The following GSK3B variants were observed in gnomAD, a reference collection of about 807,000 sequenced individuals.
The protein encoded by GSK3B is glycogen synthase kinase 3 beta.
A neutral mutation model predicts 56.4 loss-of-function variants in GSK3B; 15 were observed. That is an observed-to-expected ratio of 0.27 (90% CI 0.18 to 0.41). The LOEUF (loss-of-function observed/expected upper bound fraction) is 0.41. Ranked by LOEUF, GSK3B falls within the 10% of genes least tolerant of loss-of-function variation. GSK3B has a pLI of 1.00. For synonymous variants in GSK3B, 181 were observed against 188.9 expected, an observed-to-expected ratio of 0.96 and a Z score of 0.34; for missense variants, 300 against 513.4, an observed-to-expected ratio of 0.58 and a Z score of 4.02.
intron 1 of GSK3B, among the ~76,000 whole-genome samples, chr3:120,043,689 C>T (rs1336821769): frequency 6.6e-6 from 1 of 152,110 alleles, no homozygotes; most frequent in Non-Finnish European, 1.5e-5. Context: ...AGGAACCACC[C>T]CCTCTAATTG....
At chr3:120,020,783 G>GGCTGAAA (rs1313809689) in intron 1 of GSK3B, among the ~76,000 whole-genome samples, 1 of 152,180 alleles carries the variant, frequency 6.6e-6, no homozygotes, top group African/African-American at 2.4e-5. Context: ...AGCCCAGATA[G>GGCTGAAA]GCTGAAAGCT....
At chr3:119,857,999 G>A (rs1222775501) in intron 9 of GSK3B, among the ~76,000 whole-genome samples, 1 of 152,118 alleles carries the variant, frequency 6.6e-6, no homozygotes, top group Non-Finnish European at 1.5e-5. Flanking sequence ...TTTTTCCTGA[G>A]CAGTAGGTCT....
At chr3:120,088,769 G>C (rs1211192037) in intron 1 of GSK3B, among the ~76,000 whole-genome samples, 2 of 152,214 alleles carry the variant, frequency 1.3e-5, no homozygotes, top group African/African-American at 2.4e-5. Flanking sequence ...ACACACTCTT[G>C]TCTCACCCAC....
chr3:119,899,719 T>TA (rs1229222074), intron 7 of GSK3B, among the ~76,000 whole-genome samples: 1 of 152,140 alleles, frequency 6.6e-6, no homozygotes, highest in East Asian at 1.9e-4. Context: ...AGCAACTACT[T>TA]TTTCATAAGT....
chr3:120,029,237 T>C, intron 1 of GSK3B: 4 of 709,892 alleles, frequency 5.6e-6, no homozygotes, highest in Non-Finnish European at 1.1e-5. Context: ...CACCAGACTA[T>C]GACAGGTTAT....
At chr3:119,831,515 G>C (rs2055598660) in intron 10 of GSK3B, among the ~76,000 whole-genome samples, 1 of 152,020 alleles carries the variant, frequency 6.6e-6, no homozygotes, top group East Asian at 1.9e-4. Flanking sequence ...AAATTAGCTG[G>C]GCATAGTGGC....
chr3:119,878,800 T>TA (rs2056344812), intron 7 of GSK3B, among the ~76,000 whole-genome samples: 1 of 152,014 alleles, frequency 6.6e-6, no homozygotes, highest in African/African-American at 2.4e-5. Flanking sequence ...AATCTAAAAA[T>TA]AATTAAGCTG....
chr3:119,865,446 ATATATATATATATATATATATTTTTTTT>A (rs1380091336), intron 8 of GSK3B, among the ~76,000 whole-genome samples: 1 of 16,050 alleles, frequency 6.2e-5, no homozygotes, highest in East Asian at 1.7e-3. Flanking sequence ...ATATATATAT[ATATATATATATATATATATATTTTTTTT>A]TTTTTTTTTT....
intron 7 of GSK3B, among the ~76,000 whole-genome samples, chr3:119,879,064 T>C (rs1032369408): frequency 1.3e-5 from 2 of 152,214 alleles, no homozygotes; most frequent in South Asian, 4.1e-4. Context: ...TGTGGCTACA[T>C]AGTAGGTGTA....
In GSK3B at chr3:119,947,178, C is replaced by T. The variant is rs1331500569; in HGVS notation, c.366+90G>A. ...TTTCGGAATTTTTCCATTCCATTAGCAAAACTGTCTATGAGCGGTGGGGAG... is the reference window on the plus strand; with the variant it reads ...TTTCGGAATTTTTCCATTCCATTAGTAAAACTGTCTATGAGCGGTGGGGAG... On this transcript the variant is annotated intron_variant, in intron 3 of 10. Coordinates refer to ENST00000264235, the MANE Select transcript of GSK3B (RefSeq NM_001146156.2). 6 of 802,830 alleles carry T rather than the reference C, an allele frequency of 7.5e-6. No homozygotes were observed. The Admixed American group carries it at 1.0e-4, about 14-fold the overall frequency. The allele number at this position is 802,830 out of a possible 1,614,324, so 49.7% of individuals were successfully genotyped here. A position where few individuals can be genotyped will look rare whatever the true frequency, so the allele number is the denominator to read the frequency against.
intron 10 of GSK3B, among the ~76,000 whole-genome samples, chr3:119,828,370 A>C (rs1052477985): frequency 1.4e-4 from 21 of 152,196 alleles, no homozygotes; most frequent in African/African-American, 5.1e-4. Flanking sequence ...TTAATGACAG[A>C]GAAGGTACTG....
intron 7 of GSK3B, among the ~76,000 whole-genome samples, chr3:119,899,855 G>A (rs947882974): frequency 2.6e-5 from 4 of 151,960 alleles, no homozygotes; most frequent in African/African-American, 9.7e-5. Flanking sequence ...AGAATTTGTA[G>A]GTCCTTCTAA....
chr3:120,047,948 C>T (rs1385395558), intron 1 of GSK3B, among the ~76,000 whole-genome samples: 4 of 152,104 alleles, frequency 2.6e-5, no homozygotes, highest in African/African-American at 7.2e-5. Context: ...GTTTTTTAAG[C>T]CTGTTAAAAG....
chr3:119,937,687 C>T (rs1465679858), intron 3 of GSK3B, among the ~76,000 whole-genome samples: 1 of 151,804 alleles, frequency 6.6e-6, no homozygotes, highest in Non-Finnish European at 1.5e-5. Flanking sequence ...GATCTCAAAT[C>T]ATTAATCTAA....
At chr3:120,084,821 C>T (rs1335842700) in intron 1 of GSK3B, among the ~76,000 whole-genome samples, 1 of 152,210 alleles carries the variant, frequency 6.6e-6, no homozygotes, top group Non-Finnish European at 1.5e-5. Flanking sequence ...TATTCTCCAA[C>T]TAACTTATAT....
chr3:119,929,008 G>A (rs2056917235), intron 3 of GSK3B, among the ~76,000 whole-genome samples: 2 of 152,048 alleles, frequency 1.3e-5, no homozygotes, highest in Admixed American at 1.3e-4. Flanking sequence ...AATCTAATAA[G>A]TGATTAGGTA....
intron 8 of GSK3B, among the ~76,000 whole-genome samples, chr3:119,868,372 T>C (rs1577326797): frequency 6.6e-6 from 1 of 152,178 alleles, no homozygotes; most frequent in Admixed American, 6.5e-5. Context: ...AGTCCTTAAA[T>C]GAAGAATTAT....
At chr3:120,074,179 T>A (rs62266277) in intron 1 of GSK3B, among the ~76,000 whole-genome samples, 36,449 of 151,548 alleles carry the variant, frequency 0.24, 4,821 homozygotes, top group East Asian at 0.48. Context: ...GTAGCACATA[T>A]CTGCAGTACC....
Position 119,863,559 on chromosome 3 carries a change from C to G in GSK3B, c.956G>C (p.Arg319Pro). Residue 319 changes from arginine to proline, a missense_variant, in exon 9 of 11, where the codon CGT (arginine) becomes CCT (proline). Coordinates refer to ENST00000264235, the MANE Select transcript of GSK3B (RefSeq NM_001146156.2). Reference protein sequence around the residue: ...TPPEAIALCSRLLEYTPTARL... With the variant: ...TPPEAIALCSPLLEYTPTARL... ...GGCAGTTGGTGTATACTCCAGCAGACGGCTACACAGTGCAATTGCCTCCGG... is the reference window on the plus strand; with the variant it reads ...GGCAGTTGGTGTATACTCCAGCAGAGGGCTACACAGTGCAATTGCCTCCGG... 1.2e-6 allele frequency: 2 copies of G among 1,613,360 alleles called. No homozygotes were observed. Among genetic ancestry groups the G allele is most frequent in the Non-Finnish European group, 8.5e-7 (1 of 1,179,336 alleles).
Sources: gnomAD v4.1 joint callset for allele counts (sites outside exome capture counted in the v4.1 genomes callset) on GRCh38, gnomAD v4.1.1 for gene constraint, MANE v1.5 for transcripts, NCBI Gene and HGNC (gene_info 2026-07-23, HGNC 2026-07-21) for gene names.